GRIA1: variants seen among roughly 807,000 people sequenced by gnomAD.
GRIA1 encodes the protein glutamate receptor 1.
GRIA1 carries 31 observed loss-of-function variants against 99.2 expected under a neutral mutation model. That is an observed-to-expected ratio of 0.31 (90% CI 0.23 to 0.42). GRIA1 has a LOEUF of 0.42. GRIA1 is among the 10% of genes least tolerant of loss of function. GRIA1 has a pLI of 1.00. For missense variants in GRIA1, 782 were observed against 1,157.5 expected (o/e 0.68, Z 4.71); for synonymous variants, 438 against 432.4 (o/e 1.01, Z -0.16).
chr5:153,668,622 A>C (rs1340897002), intron 5 of GRIA1, among the ~76,000 whole-genome samples: 1 of 152,196 alleles, frequency 6.6e-6, no homozygotes, highest in Non-Finnish European at 1.5e-5. Context: ...TGCAAAGCCT[A>C]AAATATTTAT....
intron 11 of GRIA1, among the ~76,000 whole-genome samples, chr5:153,749,094 A>G (rs78826338): frequency 0.023 from 3,498 of 152,256 alleles, 120 homozygotes; most frequent in African/African-American, 0.078. Context: ...GGAGACAACC[A>G]GCAAAGATAA....
At chr5:153,738,644 T>A (rs1189006106) in intron 11 of GRIA1, among the ~76,000 whole-genome samples, 1 of 151,804 alleles carries the variant, frequency 6.6e-6, no homozygotes, top group East Asian at 1.9e-4. Flanking sequence ...TCCTCCACCC[T>A]TGCTGCCATG....
intron 13 of GRIA1, among the ~76,000 whole-genome samples, chr5:153,783,953 A>G (rs1355498076): frequency 1.3e-5 from 2 of 152,198 alleles, no homozygotes; most frequent in Non-Finnish European, 2.9e-5. Context: ...AGGGTTCCAC[A>G]AAGTGGTGAA....
At chr5:153,643,204 C>T (rs1180608788) in intron 2 of GRIA1, among the ~76,000 whole-genome samples, 1 of 152,146 alleles carries the variant, frequency 6.6e-6, no homozygotes. Context: ...AAACATTTTC[C>T]AATCAATTAG....
intron 2 of GRIA1, among the ~76,000 whole-genome samples, chr5:153,507,055 G>A (rs547015958): frequency 3.3e-5 from 5 of 152,200 alleles, no homozygotes; most frequent in Admixed American, 1.3e-4. Flanking sequence ...TATGGGAGGT[G>A]GAGGTTGCAG....
At chr5:153,706,643 G>C (rs1419156640) in intron 11 of GRIA1, among the ~76,000 whole-genome samples, 1 of 152,208 alleles carries the variant, frequency 6.6e-6, no homozygotes, top group African/African-American at 2.4e-5. Context: ...TCTAGCACAT[G>C]GGCCCTTTAT....
chr5:153,556,300 G>A (rs575857758), intron 2 of GRIA1, among the ~76,000 whole-genome samples: 1 of 152,124 alleles, frequency 6.6e-6, no homozygotes, highest in Admixed American at 6.5e-5. Flanking sequence ...GCCAAGAAAG[G>A]AGAGGCTCAG....
At chr5:153,806,591 C>T (rs968114358) in intron 15 of GRIA1, among the ~76,000 whole-genome samples, 2 of 152,120 alleles carry the variant, frequency 1.3e-5, no homozygotes, top group Admixed American at 1.3e-4. Flanking sequence ...GCCTTAACCC[C>T]CTAAACTCGT....
intron 13 of GRIA1, among the ~76,000 whole-genome samples, chr5:153,774,319 T>C (rs544712994): frequency 2.6e-5 from 4 of 152,204 alleles, no homozygotes; most frequent in East Asian, 1.9e-4. Context: ...TTTGGACCCA[T>C]TGAAGAGGGG....
chr5:153,648,667 C>T (rs1464724977), intron 3 of GRIA1, among the ~76,000 whole-genome samples: 1 of 152,092 alleles, frequency 6.6e-6, no homozygotes, highest in Non-Finnish European at 1.5e-5. Flanking sequence ...GAAAAGGAAA[C>T]AAAGATAGGA....
chr5:153,808,882 C>T lies in GRIA1; in HGVS notation c.2521-2143C>T, dbSNP rs990776944. Among the ~76,000 whole-genome samples the T allele has an allele frequency of 2.0e-5, 3 of 152,290 alleles. No homozygotes were observed. In the East Asian group the frequency reaches 5.8e-4, roughly 29 times the overall value. On this transcript the variant is annotated intron_variant, in intron 15 of 15. Transcript: ENST00000285900. Reference sequence around the variant, plus strand: ...TTGAATACCAACTCTAATGATGTGACCTTCGAGATTTTTAGTTACATGCCT... The same window carrying T: ...TTGAATACCAACTCTAATGATGTGATCTTCGAGATTTTTAGTTACATGCCT...
chr5:153,755,739 A>G (rs906749170), intron 11 of GRIA1: 2 of 152,202 alleles, frequency 1.3e-5, no homozygotes, highest in African/African-American at 4.8e-5. Context: ...ATATCCCCCT[A>G]ACAACAATAA....
chr5:153,551,844 G>C (rs546970072), intron 2 of GRIA1, among the ~76,000 whole-genome samples: 1 of 152,284 alleles, frequency 6.6e-6, no homozygotes, highest in African/African-American at 2.4e-5. Flanking sequence ...GTTATGCCAA[G>C]AGTGTTTCCT....
At chr5:153,625,514 G>C (rs1767514172) in intron 2 of GRIA1, among the ~76,000 whole-genome samples, 1 of 152,180 alleles carries the variant, frequency 6.6e-6, no homozygotes, top group Non-Finnish European at 1.5e-5. Context: ...TTATATCAGA[G>C]CTCTCTCTGA....
rs367606339 is a variant in GRIA1 at position 153,499,627 on chromosome 5, A to C, written c.220+5562A>C. On this transcript the variant is annotated intron_variant, in intron 2 of 15. Coordinates refer to ENST00000285900, the MANE Select transcript of GRIA1 (RefSeq NM_000827.4). Reference sequence around the variant, plus strand: ...AGAATTTGTCTCAAAAAAAAAAAAAAAAAAAAAAAAAAACTATGAATATAT... The same window carrying C: ...AGAATTTGTCTCAAAAAAAAAAAAACAAAAAAAAAAAAACTATGAATATAT... Among the ~76,000 whole-genome samples the C allele has an allele frequency of 1.3e-3, 198 of 150,786 alleles. 3 individuals are homozygous for C. Among genetic ancestry groups the C allele is most frequent in the Non-Finnish European group, 2.4e-3 (165 of 67,520 alleles).
chr5:153,497,983 C>T (rs139934649), intron 2 of GRIA1, among the ~76,000 whole-genome samples: 4 of 152,198 alleles, frequency 2.6e-5, no homozygotes, highest in East Asian at 1.9e-4. Context: ...TGAGCCTCAA[C>T]GATAAATAGG....
chr5:153,509,445 C>T (rs912520371), intron 2 of GRIA1, among the ~76,000 whole-genome samples: 7 of 152,146 alleles, frequency 4.6e-5, no homozygotes, highest in African/African-American at 9.7e-5. Context: ...ATCTCACTGG[C>T]TCTCTTTTTT....
intron 5 of GRIA1, among the ~76,000 whole-genome samples, chr5:153,663,059 A>G (rs960681509): frequency 3.9e-5 from 6 of 152,170 alleles, no homozygotes; most frequent in Non-Finnish European, 7.3e-5. Flanking sequence ...GGTGGATAGA[A>G]AGACAAACCC....
At chr5:153,780,169 C>T (rs1026503205) in intron 13 of GRIA1, among the ~76,000 whole-genome samples, 1 of 152,158 alleles carries the variant, frequency 6.6e-6, no homozygotes, top group African/African-American at 2.4e-5. Flanking sequence ...TAATTTCAGA[C>T]TTGCTAGGTC....
Sources: allele counts gnomAD v4.1 joint callset (sites outside exome capture counted in the v4.1 genomes callset), GRCh38; gene constraint gnomAD v4.1.1; transcripts MANE v1.5; gene names NCBI Gene and HGNC (gene_info 2026-07-23, HGNC 2026-07-21).